PRKCA: variants seen among roughly 807,000 people sequenced by gnomAD.
PRKCA encodes the protein protein kinase C alpha, also known as protein kinase C alpha type.
PRKCA carries 27 observed loss-of-function variants against 87.0 expected under a neutral mutation model. The ratio of observed to expected loss-of-function variants is 0.31; its 90% CI spans 0.23 to 0.43. The LOEUF is 0.43. PRKCA is among the 20% of genes least tolerant of loss of function. The pLI is 1.00. For synonymous variants in PRKCA, 329 were observed against 311.1 expected, an observed-to-expected ratio of 1.06 and a Z score of -0.61; for missense variants, 518 against 852.3, an observed-to-expected ratio of 0.61 and a Z score of 4.88.
At chr17:66,395,611 A>T (rs1356440108) in intron 2 of PRKCA, among the ~76,000 whole-genome samples, 1 of 152,188 alleles carries the variant, frequency 6.6e-6, no homozygotes, top group Non-Finnish European at 1.5e-5. Flanking sequence ...AAGTCCTGTT[A>T]ACTAAGCACA....
chr17:66,461,585 A>C (rs1798468773), intron 2 of PRKCA, among the ~76,000 whole-genome samples: 1 of 152,198 alleles, frequency 6.6e-6, no homozygotes, highest in African/African-American at 2.4e-5. Context: ...GTGTTGCAGC[A>C]AGTGAAGCTC....
At chr17:66,324,391 C>T (rs1905852665) in intron 2 of PRKCA, among the ~76,000 whole-genome samples, 1 of 142,948 alleles carries the variant, frequency 7.0e-6, no homozygotes, top group Non-Finnish European at 1.5e-5. Flanking sequence ...CATCTGAGGT[C>T]AGGAGTTCGA....
intron 2 of PRKCA, among the ~76,000 whole-genome samples, chr17:66,472,058 C>T (rs913605386): frequency 2.0e-5 from 3 of 152,168 alleles, no homozygotes; most frequent in African/African-American, 7.2e-5. Context: ...AACTCCTGGG[C>T]TCAAGCAGTC....
chr17:66,711,749 C>T (rs1973334753), intron 8 of PRKCA, among the ~76,000 whole-genome samples: 1 of 152,124 alleles, frequency 6.6e-6, no homozygotes, highest in South Asian at 2.1e-4. Context: ...CGACCCCAAG[C>T]TGGAATCCAC....
In PRKCA at chr17:66,645,508, A is replaced by G; in HGVS notation, c.526A>G (p.Thr176Ala). The G allele has an allele frequency of 6.2e-7, 1 of 1,614,168 alleles. No homozygotes were observed. The highest frequency in any genetic ancestry group is 8.5e-7 in the Non-Finnish European group (1 of 1,180,020). Residue 176 changes from threonine to alanine, a missense_variant, in exon 5 of 17, where the codon ACA becomes GCA. This residue lies in a region of PRKCA where 300 missense variants were observed against 496.8 expected (regional missense o/e 0.60). Coordinates refer to ENST00000413366, the MANE Select transcript of PRKCA (RefSeq NM_002737.3). ...AEVADEKLHV[T>A]VRDAKNLIPM... ...GGTTGCTGATGAAAAGCTCCATGTC[A>G]CAGGTAAGGCTTGCTCATCCCGGAG...
intron 5 of PRKCA, among the ~76,000 whole-genome samples, chr17:66,670,592 TG>T (rs1895381644): frequency 6.6e-6 from 1 of 152,206 alleles, no homozygotes; most frequent in African/African-American, 2.4e-5. Flanking sequence ...CCGGGCATTG[TG>T]GCTCACACTT....
intron 5 of PRKCA, among the ~76,000 whole-genome samples, chr17:66,667,616 T>A (rs758186087): frequency 6.6e-6 from 1 of 152,084 alleles, no homozygotes; most frequent in Non-Finnish European, 1.5e-5. Flanking sequence ...AAGATGAGAT[T>A]TGGGTGCAGA....
intron 2 of PRKCA, among the ~76,000 whole-genome samples, chr17:66,439,836 A>G (rs1881355010): frequency 1.3e-5 from 2 of 152,234 alleles, no homozygotes; most frequent in African/African-American, 4.8e-5. Context: ...AAGGACCTGG[A>G]TAGCATAAGC....
rs910371838 is a variant in PRKCA, at chr17:66,517,430, C to T, written c.288+21147C>T. Among the ~76,000 whole-genome samples the T allele has an allele frequency of 2.6e-5, 4 of 152,084 alleles. No individual in the cohort carries two copies. In the East Asian group the frequency reaches 5.8e-4, roughly 22 times the overall value. ...CGTGCCTCTTTGAAGACTTTCATACCACTTGTTGTAATTGTTCCTCTGTGT... is the reference window on the plus strand; with the variant it reads ...CGTGCCTCTTTGAAGACTTTCATACTACTTGTTGTAATTGTTCCTCTGTGT... On this transcript the variant is annotated intron_variant, in intron 3 of 16. Coordinates refer to ENST00000413366, the MANE Select transcript of PRKCA (RefSeq NM_002737.3).
At chr17:66,745,223 C>T (rs1321752426) in intron 13 of PRKCA, among the ~76,000 whole-genome samples, 1 of 152,218 alleles carries the variant, frequency 6.6e-6, no homozygotes, top group South Asian at 2.1e-4. Context: ...ACACTTCTGT[C>T]ATGTCTTGGT....
chr17:66,424,608 G>A (rs577959923), intron 2 of PRKCA, among the ~76,000 whole-genome samples: 93 of 68,032 alleles, frequency 1.4e-3, no homozygotes, highest in Non-Finnish European at 2.7e-3. Flanking sequence ...CATCTTTGAA[G>A]TAAGTTACTG....
At position 66,738,924 on chromosome 17, in the gene PRKCA, C is replaced by A. The variant is rs56300655; in HGVS notation, c.1322+69C>A. On this transcript the variant is annotated intron_variant, in intron 11 of 16. Transcript: ENST00000413366. ...CTACCAACTGGAAACTTCCTTTTTT[C>A]CCCCCCGCTTGAGATTGGGGGTCTC... 3 of 464,534 alleles carry A rather than the reference C, an allele frequency of 6.5e-6. No homozygotes were observed. In the East Asian group the frequency reaches 1.6e-4, roughly 25 times the overall value. 28.8% of individuals were successfully genotyped at this position (464,534 alleles called of 1,614,324 possible). A position where few individuals can be genotyped will look rare whatever the true frequency, so the allele number is the denominator to read the frequency against.
chr17:66,520,833 A>G (rs1967136745), intron 3 of PRKCA, among the ~76,000 whole-genome samples: 1 of 152,226 alleles, frequency 6.6e-6, no homozygotes, highest in South Asian at 2.1e-4. Flanking sequence ...GGAAAAGTAA[A>G]ATGACTCCAG....
At chr17:66,502,466 C>A (rs1916778363) in intron 3 of PRKCA, among the ~76,000 whole-genome samples, 1 of 152,066 alleles carries the variant, frequency 6.6e-6, no homozygotes, top group Admixed American at 6.6e-5. Flanking sequence ...AACTCCTGAC[C>A]TTAGGTGATC....
At chr17:66,637,781 TCAAA>T (rs1289176323) in intron 3 of PRKCA, among the ~76,000 whole-genome samples, 1 of 152,126 alleles carries the variant, frequency 6.6e-6, no homozygotes, top group East Asian at 1.9e-4. Context: ...CAGGATCTGC[TCAAA>T]CACAGACTGT....
intron 2 of PRKCA, among the ~76,000 whole-genome samples, chr17:66,355,937 C>G (rs11079652): frequency 6.6e-6 from 1 of 151,934 alleles, no homozygotes; most frequent in South Asian, 2.1e-4. Flanking sequence ...TTGCTCTTGT[C>G]GCCCGGGCTG....
intron 8 of PRKCA, among the ~76,000 whole-genome samples, chr17:66,693,414 A>C (rs1026309085): frequency 8.5e-5 from 13 of 152,176 alleles, no homozygotes; most frequent in African/African-American, 3.1e-4. Flanking sequence ...AGGTGCCAGC[A>C]GTGGGCTAAG....
chr17:66,769,292 G>A (rs71379995), intron 13 of PRKCA, among the ~76,000 whole-genome samples: 30,447 of 151,396 alleles, frequency 0.2, 3,192 homozygotes, highest in East Asian at 0.3. Flanking sequence ...AGGAGTTGAG[G>A]CTGCATTGAG....
At chr17:66,311,006 C>T (rs879874235) in intron 2 of PRKCA, among the ~76,000 whole-genome samples, 3 of 152,190 alleles carry the variant, frequency 2.0e-5, no homozygotes, top group Non-Finnish European at 4.4e-5. Context: ...GCTGCTTGCA[C>T]TGTGTGGCCT....
Sources: gnomAD v4.1 joint callset for allele counts (sites outside exome capture counted in the v4.1 genomes callset) on GRCh38, gnomAD v4.1.1 for gene constraint, gnomAD v4.1.1 regional missense constraint, MANE v1.5 for transcripts, NCBI Gene and HGNC (gene_info 2026-07-23, HGNC 2026-07-21) for gene names.